The following MRPL15 variants were observed in gnomAD, a reference collection of about 807,000 sequenced individuals.
MRPL15 encodes mitochondrial ribosomal protein L15, also known as large ribosomal subunit protein uL15m.
Under a neutral mutation model 28.0 loss-of-function variants are expected in MRPL15, and 24 were observed. The ratio of observed to expected loss-of-function variants is 0.86; its 90% CI spans 0.62 to 1.21. The LOEUF (loss-of-function observed/expected upper bound fraction) is 1.21, where lower values mean the gene tolerates loss of function less well. MRPL15 is among the 50% of genes most tolerant of loss of function. The probability of loss-of-function intolerance (pLI) is 0.00; values close to 1 mark genes in which losing one functional copy is unlikely to be tolerated. For synonymous variants in MRPL15, 124 were observed against 137.0 expected (o/e 0.90, Z 0.66); for missense variants, 343 against 372.4 (o/e 0.92, Z 0.65).
intron 3 of MRPL15, among the ~76,000 whole-genome samples, chr8:54,141,854 A>ATTTT (rs11438921): frequency 2.9e-5 from 4 of 140,042 alleles, no homozygotes; most frequent in Admixed American, 7.2e-5. Context: ...TGTTGTATTG[A>ATTTT]TTTTTTTTTT....
At chr8:54,141,470 A>G (rs1192948122) in intron 3 of MRPL15, among the ~76,000 whole-genome samples, 2 of 152,222 alleles carry the variant, frequency 1.3e-5, no homozygotes, top group Non-Finnish European at 1.5e-5. Context: ...AGGTGTACAT[A>G]AAATGGAAAT....
At position 54,147,803 on chromosome 8, in the gene MRPL15, T is replaced by C; in HGVS notation, c.*84T>C. The C allele has an allele frequency of 8.1e-7, 1 of 1,233,738 alleles. No individual in the cohort carries two copies. The highest frequency in any genetic ancestry group is 1.6e-5 in the South Asian group (1 of 62,106). The allele number at this position is 1,233,738 out of a possible 1,614,324, so 76.4% of individuals were successfully genotyped here. A position where few individuals can be genotyped will look rare whatever the true frequency, so the allele number is the denominator to read the frequency against. On this transcript the variant is annotated 3_prime_UTR_variant, in exon 5 of 5. Coordinates refer to ENST00000260102, the MANE Select transcript of MRPL15 (RefSeq NM_014175.4). ...ATATTCCCTTATTGCATTTTCCTTA[T>C]GTATAATTTTCCAGATGGTGATGTT...
chr8:54,145,402 G>A (rs1357100366), intron 4 of MRPL15, among the ~76,000 whole-genome samples: 2 of 151,886 alleles, frequency 1.3e-5, no homozygotes. Context: ...ATAAAGATAG[G>A]GGTCTTACTG....
At position 54,142,644 on chromosome 8, in the gene MRPL15, C is replaced by T. The variant is rs760132692; in HGVS notation, c.430-19C>T. 3.1e-6 allele frequency: 5 copies of T among 1,608,368 alleles called. No homozygotes were observed. The highest frequency in any genetic ancestry group is 1.3e-5 in the African/African-American group (1 of 74,678). Reference sequence around the variant, plus strand: ...TTTAGCCAAGCTGTTTACCAACAGACTGTTTTGACATATTTCAGGGTGCTG... The same window carrying T: ...TTTAGCCAAGCTGTTTACCAACAGATTGTTTTGACATATTTCAGGGTGCTG... On this transcript the variant is annotated intron_variant, in intron 3 of 4. Coordinates refer to ENST00000260102, the MANE Select transcript of MRPL15 (RefSeq NM_014175.4).
Position 54,147,440 on chromosome 8 carries a change from G to T in MRPL15, c.612G>T (p.Met204Ile). 1.2e-6 allele frequency: 2 copies of T among 1,613,964 alleles called. No homozygotes were observed. Residue 204 changes from methionine (M) to isoleucine (I), a missense_variant, in exon 5 of 5, where the codon ATG becomes ATT. Met to Ile is a conservative substitution (Grantham distance 10, BLOSUM62 1). Transcript: ENST00000260102. Reference sequence around the variant, plus strand: ...GTGGACAACCCATTCCAAAAAGAATGCTTCCACCAGAAGAACTGGTACCAT... The same window carrying T: ...GTGGACAACCCATTCCAAAAAGAATTCTTCCACCAGAAGAACTGGTACCAT... ...FLRGQPIPKR[M>I]LPPEELVPYY...
intron 1 of MRPL15, 104 bp from the exon 2 acceptor site, chr8:54,136,407 A>G: frequency 1.6e-6 from 2 of 1,237,922 alleles, no homozygotes; most frequent in Non-Finnish European, 2.3e-6. Flanking sequence ...GTTAGCTAGC[A>G]CTGGTGGGCT....
intron 3 of MRPL15, 74 bp from the exon 4 acceptor site, chr8:54,142,589 A>G: frequency 6.5e-7 from 1 of 1,547,924 alleles, no homozygotes; most frequent in Non-Finnish European, 8.7e-7. Flanking sequence ...AACACTGTCT[A>G]AAAAGGAAGC....
intron 4 of MRPL15, among the ~76,000 whole-genome samples, chr8:54,143,929 A>G (rs1007168046): frequency 6.6e-6 from 1 of 152,218 alleles, no homozygotes; most frequent in Non-Finnish European, 1.5e-5. Context: ...GTCTCTGCTT[A>G]TTAGGAGATC....
chr8:54,135,690 AATTTTTGT>A (rs1810818070), intron 1 of MRPL15, among the ~76,000 whole-genome samples: 2 of 148,298 alleles, frequency 1.3e-5, no homozygotes, highest in Admixed American at 1.4e-4. Flanking sequence ...ACGCCCGGCT[AATTTTTGT>A]ATTTTTAGTA....
intron 1 of MRPL15, 74 bp from the exon 2 acceptor site, chr8:54,136,437 C>T: frequency 2.0e-6 from 3 of 1,514,774 alleles, no homozygotes; most frequent in Non-Finnish European, 2.7e-6. Flanking sequence ...AACAGCATAA[C>T]AAAAAGTGAA....
At chr8:54,141,796 T>A (rs537646837) in intron 3 of MRPL15, among the ~76,000 whole-genome samples, 1 of 152,298 alleles carries the variant, frequency 6.6e-6, no homozygotes, top group South Asian at 2.1e-4. Flanking sequence ...ATGTAAATAC[T>A]ATATAAATAG....
Position 54,136,500 on chromosome 8 carries a change from T to C in MRPL15, c.109-11T>C, listed in dbSNP as rs199646315. Reference sequence around the variant, plus strand: ...ATCTGAAATTCATAAAATTCTTTTTTTTCCTTGCAGGAGAGAAGACCAAGA... The same window carrying C: ...ATCTGAAATTCATAAAATTCTTTTTCTTCCTTGCAGGAGAGAAGACCAAGA... On this transcript the variant is annotated splice_polypyrimidine_tract_variant and intron_variant, in intron 1 of 4. Coordinates refer to ENST00000260102, the MANE Select transcript of MRPL15 (RefSeq NM_014175.4). 2.7e-3 allele frequency: 4,230 copies of C among 1,581,262 alleles called. 142 individuals carry two copies. The South Asian group carries it at 0.046, about 17-fold the overall frequency.
In MRPL15 at chr8:54,136,495, T is replaced by G. The variant is rs1810829461; in HGVS notation, c.109-16T>G. Reference sequence around the variant, plus strand: ...AATGCATCTGAAATTCATAAAATTCTTTTTTTTCCTTGCAGGAGAGAAGAC... The same window carrying G: ...AATGCATCTGAAATTCATAAAATTCGTTTTTTTCCTTGCAGGAGAGAAGAC... On this transcript the variant is annotated splice_polypyrimidine_tract_variant and intron_variant, in intron 1 of 4. Coordinates refer to ENST00000260102, the MANE Select transcript of MRPL15 (RefSeq NM_014175.4). 1 of 1,576,136 alleles carries G rather than the reference T, an allele frequency of 6.3e-7. No individual in the cohort carries two copies. The highest frequency in any genetic ancestry group is 1.4e-5 in the African/African-American group (1 of 72,662).
intron 1 of MRPL15, 146 bp downstream of exon 1, chr8:54,135,537 C>T (rs1475662358): frequency 4.0e-6 from 2 of 501,174 alleles, no homozygotes; most frequent in African/African-American, 2.0e-5. Context: ...TCCCTTACTG[C>T]CCAGAGGGGA....
intron 4 of MRPL15, among the ~76,000 whole-genome samples, chr8:54,145,226 A>T (rs1203049562): frequency 6.6e-6 from 1 of 151,986 alleles, no homozygotes; most frequent in African/African-American, 2.4e-5. Context: ...GTTATAGAAA[A>T]TTTTTTGCAC....
intron 3 of MRPL15, among the ~76,000 whole-genome samples, chr8:54,140,429 A>T (rs34168614): frequency 0.34 from 50,156 of 147,298 alleles, 10,933 homozygotes; most frequent in East Asian, 0.73. Flanking sequence ...GCCCGGCTAC[A>T]TTTTGTATTT....
rs966874164 is a variant in MRPL15, at chr8:54,137,843, T to A, written c.429+410T>A. On this transcript the variant is annotated intron_variant, in intron 3 of 4. Coordinates refer to ENST00000260102, the MANE Select transcript of MRPL15 (RefSeq NM_014175.4). ...AGCCCATTTGTGTTTATAACTGTTA[T>A]GTAGTGGTGATAGCTGTGGTTTTGG... 2.0e-5 allele frequency among the ~76,000 whole-genome samples: 3 copies of A among 152,212 alleles called. No homozygotes were observed. In the East Asian group the frequency reaches 5.8e-4, roughly 29 times the overall value.
At chr8:54,135,518 T>C in intron 1 of MRPL15, 127 bp downstream of exon 1, 1 of 631,416 alleles carries the variant, frequency 1.6e-6, no homozygotes, top group East Asian at 3.4e-5. Context: ...GATTGCCTCA[T>C]GCCTGTTCTC....
In MRPL15 at chr8:54,135,375, C is replaced by T; in HGVS notation, c.92C>T (p.Pro31Leu). The T allele has an allele frequency of 3.3e-6, 5 of 1,528,258 alleles. No homozygotes were observed. Among genetic ancestry groups the T allele is most frequent in the East Asian group, 2.7e-5 (1 of 37,712 alleles). 94.7% of individuals were successfully genotyped at this position (1,528,258 alleles called of 1,614,324 possible). ...RVSLANLKPN[P>L]GSKKPERRPR... ...AGCCTGGCCAACTTAAAGCCGAATC[C>T]CGGCTCCAAGAAACCGGTAAATGGG... The change falls in exon 1 of 5, where the codon CCC becomes CTC. Residue 31 changes from proline to leucine, a missense_variant. By Grantham distance (98) the Pro-to-Leu change is moderately conservative (BLOSUM62 -3). Coordinates refer to ENST00000260102, the MANE Select transcript of MRPL15 (RefSeq NM_014175.4).
Sources: gnomAD v4.1 joint callset for allele counts (sites outside exome capture counted in the v4.1 genomes callset) on GRCh38, gnomAD v4.1.1 for gene constraint, MANE v1.5 for transcripts, NCBI Gene and HGNC (gene_info 2026-07-23, HGNC 2026-07-21) for gene names.